ZAP70: variants seen among roughly 807,000 people sequenced by gnomAD.
The protein encoded by ZAP70 is zeta chain of T cell receptor associated protein kinase 70.
ZAP70 carries 27 observed loss-of-function variants against 65.8 expected under a neutral mutation model. The ratio of observed to expected loss-of-function variants is 0.41; its 90% CI spans 0.30 to 0.57. The LOEUF (loss-of-function observed/expected upper bound fraction) is 0.57, where lower values mean the gene tolerates loss of function less well. ZAP70 is among the 20% of genes least tolerant of loss of function. The pLI, the probability that ZAP70 is intolerant of heterozygous loss-of-function variation, is 0.28. For missense variants in ZAP70, 696 were observed against 870.5 expected (o/e 0.80, Z 2.52); for synonymous variants, 363 against 360.8 (o/e 1.01, Z -0.07).
chr2:97,717,309 G>A (rs1045037870), intron 2 of ZAP70, among the ~76,000 whole-genome samples: 6 of 151,456 alleles, frequency 4.0e-5, no homozygotes, highest in African/African-American at 1.5e-4. Context: ...CTCCTGCAGA[G>A]CCTTGGATGG....
intron 4 of ZAP70, among the ~76,000 whole-genome samples, chr2:97,729,066 T>G (rs1333486341): frequency 6.6e-6 from 1 of 152,204 alleles, no homozygotes; most frequent in Non-Finnish European, 1.5e-5. Flanking sequence ...CAAGTGTTTC[T>G]TATCCTCTCC....
rs149605945 is a variant in ZAP70 at position 97,739,403 on chromosome 2, G to A, written c.1765G>A (p.Val589Met). ...KWEDRPDFLT[V>M]EQRMRACYYS... Reference sequence around the variant, plus strand: ...GGAGGATCGCCCCGACTTCCTGACCGTGGAGCAGCGCATGCGAGCCTGTTA... The same window carrying A: ...GGAGGATCGCCCCGACTTCCTGACCATGGAGCAGCGCATGCGAGCCTGTTA... Residue 589 changes from valine (V) to methionine (M), a missense_variant, in exon 14 of 14, where the codon GTG becomes ATG. Physicochemically the swap from Val to Met is conservative, Grantham distance 21. Coordinates refer to ENST00000264972, the MANE Select transcript of ZAP70 (RefSeq NM_001079.4). 6.8e-6 allele frequency: 11 copies of A among 1,613,480 alleles called. No individual in the cohort carries two copies. Among genetic ancestry groups the A allele is most frequent in the African/African-American group, 2.7e-5 (2 of 74,956 alleles).
intron 2 of ZAP70, among the ~76,000 whole-genome samples, chr2:97,714,518 T>A (rs1182303905): frequency 6.6e-6 from 1 of 152,174 alleles, no homozygotes; most frequent in Non-Finnish European, 1.5e-5. Flanking sequence ...GCAAGTTGCT[T>A]GGCCTCTCTG....
chr2:97,725,292 G>C (rs147224305), intron 4 of ZAP70, 40 bp downstream of exon 4: 1 of 1,605,122 alleles, frequency 6.2e-7, no homozygotes, highest in Admixed American at 1.7e-5. Flanking sequence ...GAGGATTGGG[G>C]CTCGTTGGCA....
At chr2:97,718,473 T>C (rs1386096987) in intron 2 of ZAP70, among the ~76,000 whole-genome samples, 1 of 152,020 alleles carries the variant, frequency 6.6e-6, no homozygotes, top group Non-Finnish European at 1.5e-5. Flanking sequence ...GTGAGGACAG[T>C]CCAGAAAGGC....
chr2:97,734,328 C>T (rs1273398192), intron 8 of ZAP70, 192 bp from the exon 9 acceptor site: 31 of 1,417,938 alleles, frequency 2.2e-5, no homozygotes, highest in Non-Finnish European at 2.7e-5. Context: ...TCATGGGGCA[C>T]CCACAGCTGT....
chr2:97,724,986 A>G, intron 3 of ZAP70, 106 bp from the exon 4 acceptor site: 3 of 1,562,328 alleles, frequency 1.9e-6, no homozygotes, highest in Non-Finnish European at 2.6e-6. Context: ...CGCGCTAGGG[A>G]CGCCTGGGTG....
the ZAP70 span, among the ~76,000 whole-genome samples, chr2:97,753,860 GTGTCTTTTGTCCCAGCTACCTGGGAGAC>G: frequency 1.3e-5 from 2 of 152,082 alleles, no homozygotes; most frequent in Non-Finnish European, 2.9e-5. Context: ...GTGGTGGTCC[GTGTCTTTTGTCCCAGCTACCTGGGAGAC>G]TGAGGTGGGA....
At position 97,735,448 on chromosome 2, in the gene ZAP70, C is replaced by A; in HGVS notation, c.1281C>A (p.Val427=). 6.2e-7 allele frequency: 1 copy of A among 1,609,814 alleles called. No individual in the cohort carries two copies. Among genetic ancestry groups the A allele is most frequent in the South Asian group, 1.1e-5 (1 of 90,970 alleles). The change falls in exon 10 of 14, where the codon GTC becomes GTA. Residue 427 remains valine (V), a synonymous_variant. Transcript: ENST00000264972. ...GCGGGCCGCTGCACAAGTTCCTGGTCGGCAAGAGGTGAGCACCGGGTGGGC... is the reference window on the plus strand; with the variant it reads ...GCGGGCCGCTGCACAAGTTCCTGGTAGGCAAGAGGTGAGCACCGGGTGGGC... ...AGGGPLHKFL[V]GKREEIPVSN... is the part of the protein sequence containing the mutation.
the ZAP70 span, among the ~76,000 whole-genome samples, chr2:97,748,690 TC>T: frequency 6.6e-6 from 1 of 152,188 alleles, no homozygotes; most frequent in Non-Finnish European, 1.5e-5. Context: ...CGGGGTTCCC[TC>T]CCACTCAGGG....
intron 13 of ZAP70, among the ~76,000 whole-genome samples, chr2:97,738,815 C>T (rs1454692247): frequency 4.6e-5 from 7 of 152,000 alleles, no homozygotes; most frequent in Admixed American, 2.6e-4. Flanking sequence ...CCACCTCCAT[C>T]AGGAAACACC....
rs1678045336 is a variant in ZAP70, at chr2:97,739,318, G to A, written c.1737-57G>A. 1.4e-5 allele frequency: 22 copies of A among 1,606,562 alleles called. No homozygotes were observed. In the South Asian group the frequency reaches 2.4e-4, roughly 18 times the overall value. On this transcript the variant is annotated intron_variant, in intron 13 of 13. Transcript: ENST00000264972. ...AAGCACAGTGCATGCCCACCCACTGGTGAAGCTGGGTCCTGGGGGCGTGGT... is the reference window on the plus strand; with the variant it reads ...AAGCACAGTGCATGCCCACCCACTGATGAAGCTGGGTCCTGGGGGCGTGGT...
chr2:97,747,613 G>T, the ZAP70 span, among the ~76,000 whole-genome samples: 1 of 152,238 alleles, frequency 6.6e-6, no homozygotes, highest in South Asian at 2.1e-4. Context: ...TTTTGGAGGT[G>T]GGGGAGGTGG....
At chr2:97,717,284 G>A (rs1676962376) in intron 2 of ZAP70, among the ~76,000 whole-genome samples, 2 of 152,046 alleles carry the variant, frequency 1.3e-5, no homozygotes, top group South Asian at 4.1e-4. Flanking sequence ...GGGGCGGTGA[G>A]GGGCTGGGGC....
intron 2 of ZAP70, among the ~76,000 whole-genome samples, chr2:97,721,141 A>G (rs2104652102): frequency 6.6e-6 from 1 of 152,350 alleles, no homozygotes; most frequent in Non-Finnish European, 1.5e-5. Flanking sequence ...CAGAAAATAG[A>G]AAGAATTAAC....
chr2:97,732,599 C>T (rs1047693200), intron 4 of ZAP70: 6 of 527,080 alleles, frequency 1.1e-5, no homozygotes, highest in Non-Finnish European at 2.1e-5. Flanking sequence ...GGGTGTCCAC[C>T]GTGGGGGGTC....
At position 97,739,563 on chromosome 2, in the gene ZAP70, C is replaced by T. The variant is rs200251831; in HGVS notation, c.*65C>T. 644 of 1,573,172 alleles carry T rather than the reference C, an allele frequency of 4.1e-4. 2 individuals are homozygous for T. In the African/African-American group the frequency reaches 7.2e-3, roughly 18 times the overall value. The stretch of plus-strand genomic sequence containing the variant: ...CCCACCCTCAGCCCCACCCCAGGTC[C>T]TGCAGTCTGGCTGAGCCCTGCTTGG... On this transcript the variant is annotated 3_prime_UTR_variant, in exon 14 of 14. Transcript: ENST00000264972.
chr2:97,733,804 G>A (rs934251054), intron 8 of ZAP70: 1 of 644,512 alleles, frequency 1.6e-6, no homozygotes, highest in African/African-American at 1.8e-5. Context: ...CGTGCAGGGA[G>A]CACACTTGGC....
intron 2 of ZAP70, among the ~76,000 whole-genome samples, chr2:97,721,580 A>AATTTTTTTTTT (rs1677156479): frequency 3.7e-5 from 3 of 81,158 alleles, no homozygotes; most frequent in Admixed American, 1.6e-4. Context: ...TGGCTGGCTG[A>AATTTTTTTTTT]TTTTTTTTTT....
Sources: gnomAD v4.1 joint callset for allele counts (sites outside exome capture counted in the v4.1 genomes callset) on GRCh38, gnomAD v4.1.1 for gene constraint, MANE v1.5 for transcripts, NCBI Gene and HGNC (gene_info 2026-07-23, HGNC 2026-07-21) for gene names.